FAM227B: variants seen among roughly 807,000 people sequenced by gnomAD.
The protein encoded by FAM227B is protein FAM227B.
FAM227B carries 88 observed loss-of-function variants against 73.8 expected under a neutral mutation model. The ratio of observed to expected loss-of-function variants is 1.19; its 90% CI spans 1.00 to 1.42. The LOEUF is 1.42. FAM227B is among the 40% of genes most tolerant of loss of function. The pLI, the probability that FAM227B is intolerant of heterozygous loss-of-function variation, is 0.00. For missense variants in FAM227B, 632 were observed against 590.9 expected, an observed-to-expected ratio of 1.07 and a Z score of -0.72; for synonymous variants, 210 against 190.5, an observed-to-expected ratio of 1.10 and a Z score of -0.84.
intron 11 of FAM227B, 115 bp downstream of exon 11, chr15:49,508,096 T>C (rs2058712934): frequency 9.5e-7 from 1 of 1,049,196 alleles, no homozygotes; most frequent in Non-Finnish European, 1.4e-6. Context: ...ATAAATCAAA[T>C]GTTATTTTAA....
Position 49,479,533 on chromosome 15 carries a change from A to T in FAM227B, c.1012+28678T>A, listed in dbSNP as rs575804459. Among the ~76,000 whole-genome samples the T allele has an allele frequency of 2.7e-3, 361 of 133,642 alleles. 4 individuals are homozygous for T. The highest frequency in any genetic ancestry group is 9.6e-3 in the African/African-American group (338 of 35,200). The allele number at this position is 133,642 out of a possible 152,430, so 87.7% of individuals were successfully genotyped here. A position where few individuals can be genotyped will look rare whatever the true frequency, so the allele number is the denominator to read the frequency against. On this transcript the variant is annotated intron_variant, in intron 11 of 15. Coordinates refer to ENST00000299338, the MANE Select transcript of FAM227B (RefSeq NM_152647.3). Reference sequence around the variant, plus strand: ...ATATCTGCATATTACATATTTTTCTATTATGTTTTCTGAGCAACTTCGTGG... The same window carrying T: ...ATATCTGCATATTACATATTTTTCTTTTATGTTTTCTGAGCAACTTCGTGG...
At chr15:49,449,712 G>A (rs2052548830) in intron 11 of FAM227B, among the ~76,000 whole-genome samples, 2 of 152,044 alleles carry the variant, frequency 1.3e-5, no homozygotes, top group African/African-American at 4.8e-5. Flanking sequence ...GGTCTCTTTC[G>A]CTTCTATACT....
intron 11 of FAM227B, among the ~76,000 whole-genome samples, chr15:49,373,955 A>G (rs1456493411): frequency 6.6e-6 from 1 of 152,224 alleles, no homozygotes; most frequent in East Asian, 1.9e-4. Flanking sequence ...ATGCAAGTTA[A>G]TTCAAGAAAA....
At chr15:49,404,841 G>GTTAT (rs1219187378) in intron 11 of FAM227B, among the ~76,000 whole-genome samples, 1 of 151,194 alleles carries the variant, frequency 6.6e-6, no homozygotes, top group Non-Finnish European at 1.5e-5. Context: ...TTGTTTATGT[G>GTTAT]GTTGTTTTAT....
chr15:49,523,944 C>G (rs2059965355), intron 10 of FAM227B, among the ~76,000 whole-genome samples: 2 of 152,066 alleles, frequency 1.3e-5, no homozygotes, highest in Non-Finnish European at 2.9e-5. Context: ...GAAGAAATTT[C>G]TAAGCAGCAA....
chr15:49,603,649 C>G (rs901140515), intron 3 of FAM227B, among the ~76,000 whole-genome samples: 1 of 152,008 alleles, frequency 6.6e-6, no homozygotes, highest in African/African-American at 2.4e-5. Flanking sequence ...ATTGCTCTAC[C>G]TAGGACTTCC....
At chr15:49,513,932 T>C (rs1321901386) in intron 10 of FAM227B, among the ~76,000 whole-genome samples, 1 of 152,178 alleles carries the variant, frequency 6.6e-6, no homozygotes, top group Non-Finnish European at 1.5e-5. Flanking sequence ...TTCTGAGGTC[T>C]CTATTCTGTT....
intron 10 of FAM227B, among the ~76,000 whole-genome samples, chr15:49,518,183 A>G (rs2059516389): frequency 6.6e-6 from 1 of 152,210 alleles, no homozygotes; most frequent in Admixed American, 6.5e-5. Flanking sequence ...AAAAGTATGC[A>G]TATGCTCAGC....
intron 7 of FAM227B, 58 bp downstream of exon 7, chr15:49,576,683 G>C: frequency 1.0e-6 from 1 of 979,772 alleles, no homozygotes; most frequent in Non-Finnish European, 1.6e-6. Context: ...GTAAAGGTCT[G>C]ATTCATTAAA....
chr15:49,523,995 G>T (rs1483463326), intron 10 of FAM227B, among the ~76,000 whole-genome samples: 3 of 152,164 alleles, frequency 2.0e-5, no homozygotes, highest in Admixed American at 2.0e-4. Flanking sequence ...AAAGCATTCA[G>T]TTTTAAAGGG....
intron 10 of FAM227B, among the ~76,000 whole-genome samples, chr15:49,529,723 A>C (rs1344157835): frequency 1.3e-5 from 2 of 151,642 alleles, no homozygotes; most frequent in Admixed American, 6.6e-5. Context: ...GTATCTCTCA[A>C]ATTGCTTGCT....
chr15:49,613,093 AAT>A (rs1462373917), intron 2 of FAM227B, among the ~76,000 whole-genome samples: 1 of 152,182 alleles, frequency 6.6e-6, no homozygotes, highest in Non-Finnish European at 1.5e-5. Flanking sequence ...TCATGCCTAT[AAT>A]ACCAGCACAC....
intron 11 of FAM227B, among the ~76,000 whole-genome samples, chr15:49,431,639 C>T: frequency 6.6e-6 from 1 of 151,534 alleles, no homozygotes; most frequent in Non-Finnish European, 1.5e-5. Context: ...GTCATGAGTA[C>T]TTGATAGAGT....
intron 11 of FAM227B, among the ~76,000 whole-genome samples, chr15:49,401,058 C>T (rs1232231877): frequency 1.3e-5 from 2 of 152,202 alleles, no homozygotes; most frequent in Non-Finnish European, 2.9e-5. Context: ...TCAGAGTGAA[C>T]AGGCAACCTA....
chr15:49,519,198 C>T (rs1272112672), intron 10 of FAM227B, among the ~76,000 whole-genome samples: 1 of 152,182 alleles, frequency 6.6e-6, no homozygotes, highest in Non-Finnish European at 1.5e-5. Context: ...AGCTCCACCC[C>T]TGTGGCTTTG....
At chr15:49,519,623 C>A (rs1312979730) in intron 10 of FAM227B, among the ~76,000 whole-genome samples, 1 of 150,290 alleles carries the variant, frequency 6.7e-6, no homozygotes, top group African/African-American at 2.4e-5. Context: ...ATTTTGGCTC[C>A]ATTTCATCCA....
chr15:49,502,834 G>A (rs1057014347), intron 11 of FAM227B, among the ~76,000 whole-genome samples: 5 of 152,124 alleles, frequency 3.3e-5, no homozygotes, highest in African/African-American at 1.2e-4. Flanking sequence ...GGGGTCTGGT[G>A]GGAAGTGGTT....
chr15:49,389,658 A>C (rs751330372), intron 11 of FAM227B, among the ~76,000 whole-genome samples: 15 of 152,002 alleles, frequency 9.9e-5, no homozygotes, highest in South Asian at 4.1e-4. Flanking sequence ...AAGAAGAAAA[A>C]AGTATTGTTA....
chr15:49,519,468 T>C (rs1261580112), intron 10 of FAM227B, among the ~76,000 whole-genome samples: 1 of 152,178 alleles, frequency 6.6e-6, no homozygotes, highest in Non-Finnish European at 1.5e-5. Flanking sequence ...TGCCTGGATA[T>C]CCAGGCATTT....
Sources: allele counts gnomAD v4.1 joint callset (sites outside exome capture counted in the v4.1 genomes callset), GRCh38; gene constraint gnomAD v4.1.1; transcripts MANE v1.5; gene names NCBI Gene and HGNC (gene_info 2026-07-23, HGNC 2026-07-21).